ARHGAP26: variants seen among roughly 807,000 people sequenced by gnomAD.
ARHGAP26 encodes the protein Rho GTPase activating protein 26.
Under a neutral mutation model 104.8 loss-of-function variants are expected in ARHGAP26, and 38 were observed. The ratio of observed to expected loss-of-function variants is 0.36; its 90% CI spans 0.28 to 0.48. The LOEUF (loss-of-function observed/expected upper bound fraction) is 0.48. ARHGAP26 is among the 20% of genes least tolerant of loss of function. The pLI, the probability that ARHGAP26 is intolerant of heterozygous loss-of-function variation, is 0.99. For synonymous variants in ARHGAP26, 341 were observed against 340.0 expected (o/e 1.00, Z -0.03); for missense variants, 704 against 947.9 (o/e 0.74, Z 3.38).
At chr5:142,780,767 T>G (rs1191992496) in intron 1 of ARHGAP26, among the ~76,000 whole-genome samples, 1 of 152,148 alleles carries the variant, frequency 6.6e-6, no homozygotes, top group East Asian at 1.9e-4. Flanking sequence ...AGGAGGGCAG[T>G]CTTCTGCCTT....
In ARHGAP26 at chr5:143,058,108, T is replaced by C. The variant is rs769508357; in HGVS notation, c.1538+361T>C. On this transcript the variant is annotated intron_variant, in intron 17 of 22. Transcript: ENST00000645722. Reference sequence around the variant, plus strand: ...TATGCTCATCAAGAACAAACAAAAATATGTTGTGGGTTTACAGAATTTGGG... The same window carrying C: ...TATGCTCATCAAGAACAAACAAAAACATGTTGTGGGTTTACAGAATTTGGG... 4.6e-4 allele frequency: 214 copies of C among 468,396 alleles called. 1 individual carries two copies. The highest frequency in any genetic ancestry group is 6.3e-5 in the Non-Finnish European group (15 of 237,292). The allele number at this position is 468,396 out of a possible 1,614,324, so 29.0% of individuals were successfully genotyped here.
At chr5:143,108,685 T>A (rs1794385236) in intron 17 of ARHGAP26, among the ~76,000 whole-genome samples, 1 of 152,220 alleles carries the variant, frequency 6.6e-6, no homozygotes, top group Non-Finnish European at 1.5e-5. Flanking sequence ...TTCCCTCATT[T>A]AAAAAATCCC....
At chr5:142,967,420 C>T (rs1771558086) in intron 11 of ARHGAP26, among the ~76,000 whole-genome samples, 1 of 152,176 alleles carries the variant, frequency 6.6e-6, no homozygotes, top group Non-Finnish European at 1.5e-5. Flanking sequence ...CAATGCTTGG[C>T]TTGTTATTGT....
chr5:143,013,736 A>T (rs1195332931), intron 11 of ARHGAP26, among the ~76,000 whole-genome samples: 1 of 152,192 alleles, frequency 6.6e-6, no homozygotes, highest in African/African-American at 2.4e-5. Context: ...TGCTTAGCAC[A>T]TTGCCTGGTG....
chr5:142,827,783 G>A (rs1237234912), intron 1 of ARHGAP26, among the ~76,000 whole-genome samples: 2 of 152,224 alleles, frequency 1.3e-5, no homozygotes, highest in African/African-American at 2.4e-5. Flanking sequence ...TGTCAGGATT[G>A]TTGGGGGAAT....
At chr5:142,822,156 T>C (rs1479361103) in intron 1 of ARHGAP26, among the ~76,000 whole-genome samples, 1 of 152,218 alleles carries the variant, frequency 6.6e-6, no homozygotes, top group Non-Finnish European at 1.5e-5. Flanking sequence ...TCTTCTTGCC[T>C]TTTGCCTAGA....
At chr5:143,029,653 C>T (rs1341227410) in intron 12 of ARHGAP26, among the ~76,000 whole-genome samples, 1 of 152,034 alleles carries the variant, frequency 6.6e-6, no homozygotes, top group East Asian at 1.9e-4. Context: ...AGGCGATCTT[C>T]TCGCCTCATC....
At chr5:142,955,017 G>A (rs905137593) in intron 11 of ARHGAP26, among the ~76,000 whole-genome samples, 7 of 152,000 alleles carry the variant, frequency 4.6e-5, no homozygotes, top group Non-Finnish European at 1.0e-4. Flanking sequence ...AGTGGCTCAC[G>A]CCTGTAATCC....
At chr5:143,119,731 C>G (rs1010394205) in intron 17 of ARHGAP26, among the ~76,000 whole-genome samples, 4 of 152,128 alleles carry the variant, frequency 2.6e-5, no homozygotes, top group Non-Finnish European at 4.4e-5. Flanking sequence ...GTTTCATAAA[C>G]CTAACCATGC....
chr5:143,203,309 C>A (rs558356843), intron 20 of ARHGAP26: 1 of 152,002 alleles, frequency 6.6e-6, no homozygotes, highest in Non-Finnish European at 1.5e-5. Flanking sequence ...GGCAAACAAA[C>A]ATATAAAAAA....
intron 14 of ARHGAP26, among the ~76,000 whole-genome samples, chr5:143,051,138 C>A (rs1012773272): frequency 6.6e-6 from 1 of 152,154 alleles, no homozygotes; most frequent in Non-Finnish European, 1.5e-5. Context: ...AATTTGCATA[C>A]ACTATAATGT....
chr5:142,859,262 CAG>C (rs1752911592), intron 1 of ARHGAP26, among the ~76,000 whole-genome samples: 1 of 152,170 alleles, frequency 6.6e-6, no homozygotes, highest in African/African-American at 2.4e-5. Flanking sequence ...AAGTCTTTCT[CAG>C]GGTACCAGTT....
chr5:143,175,753 TAAG>T (rs1299779278), intron 20 of ARHGAP26, among the ~76,000 whole-genome samples: 1 of 152,204 alleles, frequency 6.6e-6, no homozygotes, highest in Admixed American at 6.5e-5. Context: ...AGAACTGCCA[TAAG>T]AAGGTTTTTG....
In ARHGAP26 at chr5:143,188,693, AT is replaced by A. The variant is rs1417141657; in HGVS notation, c.1989-18502del. Among the ~76,000 whole-genome samples, 3 of 152,308 alleles carry A rather than the reference AT, an allele frequency of 2.0e-5. No homozygotes were observed. The East Asian group carries it at 5.8e-4, about 29-fold the overall frequency. On this transcript the variant is annotated intron_variant, in intron 20 of 22. Coordinates refer to ENST00000645722, the MANE Select transcript of ARHGAP26 (RefSeq NM_001135608.3). Reference sequence around the variant, plus strand: ...GTATATTTGAAAGTGTAGACTGATGATTTCTGAAGGGAACTGAATGAGCTTG... The same window carrying A: ...GTATATTTGAAAGTGTAGACTGATGATTCTGAAGGGAACTGAATGAGCTTG...
At chr5:142,916,353 T>C (rs555387695) in intron 10 of ARHGAP26, among the ~76,000 whole-genome samples, 1 of 152,320 alleles carries the variant, frequency 6.6e-6, no homozygotes, top group Non-Finnish European at 1.5e-5. Flanking sequence ...AGGTCAATAT[T>C]GTGAGTTGAT....
chr5:142,954,017 A>G (rs1215390407), intron 11 of ARHGAP26, among the ~76,000 whole-genome samples: 1 of 152,170 alleles, frequency 6.6e-6, no homozygotes, highest in Non-Finnish European at 1.5e-5. Flanking sequence ...CCCCATTTTA[A>G]AATACATGAT....
At chr5:143,159,627 A>C (rs964721745) in intron 20 of ARHGAP26, among the ~76,000 whole-genome samples, 3 of 152,164 alleles carry the variant, frequency 2.0e-5, no homozygotes, top group African/African-American at 4.8e-5. Context: ...GAGTTAACTG[A>C]TCTGATGTAG....
chr5:142,786,654 ATTTTTTTTTTTTT>A (rs70991779), intron 1 of ARHGAP26, among the ~76,000 whole-genome samples: 2 of 104,446 alleles, frequency 1.9e-5, no homozygotes, highest in African/African-American at 6.8e-5. Context: ...GAGTTCTAGA[ATTTTTTTTTTTTT>A]TTTTTTTTTT....
rs142719570 is a variant in ARHGAP26, at chr5:143,134,053, C to G, written c.1785C>G (p.Ser595=). The part of the protein sequence containing the change: ...RKKSSDSKPP[S]CSERPLTLFH... ...AGAGCAGTGACTCCAAGCCCCCGTC[C>G]TGCAGCGAGAGGCCCCTGACGCTCT... Residue 595 remains serine, a synonymous_variant, in exon 19 of 23, where the codon TCC becomes TCG. Transcript: ENST00000645722. The G allele has an allele frequency of 6.3e-5, 102 of 1,612,970 alleles. No individual in the cohort carries two copies. The African/African-American group carries it at 1.2e-3, about 18-fold the overall frequency.
Sources: gnomAD v4.1 joint callset for allele counts (sites outside exome capture counted in the v4.1 genomes callset) on GRCh38, gnomAD v4.1.1 for gene constraint, MANE v1.5 for transcripts, NCBI Gene and HGNC (gene_info 2026-07-23, HGNC 2026-07-21) for gene names.